PARD3B: variants seen among roughly 807,000 people sequenced by gnomAD.
The protein encoded by PARD3B is partitioning defective 3 homolog B.
A neutral mutation model predicts 130.2 loss-of-function variants in PARD3B; 103 were observed. The ratio of observed to expected loss-of-function variants is 0.79; its 90% CI spans 0.67 to 0.93. The LOEUF is 0.93. PARD3B is among the 40% of genes least tolerant of loss of function. PARD3B has a pLI of 0.00. For synonymous variants in PARD3B, 583 were observed against 553.2 expected (o/e 1.05, Z -0.76); for missense variants, 1,609 against 1,499.2 (o/e 1.07, Z -1.21).
intron 18 of PARD3B, among the ~76,000 whole-genome samples, chr2:205,380,064 C>A (rs1174759177): frequency 2.0e-4 from 25 of 123,442 alleles, no homozygotes; most frequent in African/African-American, 7.1e-4. Flanking sequence ...TGAGACTCTG[C>A]CTCAAAAAAA....
At chr2:205,582,756 C>G (rs1341605296) in intron 22 of PARD3B, among the ~76,000 whole-genome samples, 2 of 151,354 alleles carry the variant, frequency 1.3e-5, no homozygotes, top group Non-Finnish European at 2.9e-5. Context: ...GGCATTGCCT[C>G]CGATAAAAGT....
chr2:205,498,748 T>A (rs2050040119), intron 20 of PARD3B, among the ~76,000 whole-genome samples: 1 of 152,214 alleles, frequency 6.6e-6, no homozygotes, highest in Admixed American at 6.5e-5. Context: ...CTCACTTGTC[T>A]AGCTGTTGAG....
chr2:204,970,346 C>G (rs1691599389), intron 3 of PARD3B, among the ~76,000 whole-genome samples: 1 of 152,112 alleles, frequency 6.6e-6, no homozygotes, highest in Non-Finnish European at 1.5e-5. Context: ...CCAACTTTTT[C>G]CAAACAAAAA....
intron 4 of PARD3B, among the ~76,000 whole-genome samples, chr2:205,049,539 T>C (rs73054994): frequency 6.6e-6 from 1 of 152,126 alleles, no homozygotes; most frequent in African/African-American, 2.4e-5. Flanking sequence ...CTTAACCATA[T>C]CGGTCCTCCA....
At chr2:205,369,294 A>G (rs761451322) in intron 18 of PARD3B, among the ~76,000 whole-genome samples, 1 of 152,164 alleles carries the variant, frequency 6.6e-6, no homozygotes, top group Admixed American at 6.5e-5. Context: ...TCCAGCGTCT[A>G]GTCACCACCC....
At chr2:205,340,458 G>A (rs991515099) in intron 18 of PARD3B, among the ~76,000 whole-genome samples, 4 of 152,016 alleles carry the variant, frequency 2.6e-5, no homozygotes, top group African/African-American at 7.2e-5. Context: ...TATATTTACA[G>A]CCAACTGATT....
chr2:204,737,075 TAGCTGGAATTACAGCTATGGAATTAC>T (rs1231679179), intron 2 of PARD3B, among the ~76,000 whole-genome samples: 55 of 152,308 alleles, frequency 3.6e-4, no homozygotes, highest in African/African-American at 1.2e-4. Context: ...GCCTCCCTAG[TAGCTGGAATTACAGCTATGGAATTAC>T]AGCTGGAATT....
intron 3 of PARD3B, among the ~76,000 whole-genome samples, chr2:205,028,372 T>G (rs2125353375): frequency 6.6e-6 from 1 of 152,292 alleles, no homozygotes; most frequent in East Asian, 1.9e-4. Flanking sequence ...TAAAAACTCT[T>G]AATAGATTAT....
intron 10 of PARD3B, among the ~76,000 whole-genome samples, chr2:205,154,986 A>G (rs1488096050): frequency 6.6e-6 from 1 of 152,132 alleles, no homozygotes; most frequent in African/African-American, 2.4e-5. Context: ...TGGCACATGT[A>G]TACATATGTA....
intron 15 of PARD3B, among the ~76,000 whole-genome samples, chr2:205,239,293 T>C (rs371740415): frequency 6.6e-6 from 1 of 152,130 alleles, no homozygotes; most frequent in Admixed American, 6.5e-5. Context: ...CCCAGATCAA[T>C]TGATGCAAAT....
At position 205,290,421 on chromosome 2, in the gene PARD3B, GTAGCCTT is replaced by G. The variant is rs532744829; in HGVS notation, c.2186-10108_2186-10102del. Among the ~76,000 whole-genome samples the G allele has an allele frequency of 1.2e-3, 184 of 152,302 alleles. 2 individuals carry two copies. Among genetic ancestry groups the G allele is most frequent in the African/African-American group, 4.2e-3 (174 of 41,574 alleles). On this transcript the variant is annotated intron_variant, in intron 16 of 22. Coordinates refer to ENST00000406610, the MANE Select transcript of PARD3B (RefSeq NM_001302769.2). Reference sequence around the variant, plus strand: ...CAGGAAAGCCTCATATAGCATCTGAGTAGCCTTGCCAAGTCAATAGGATGACATTTCC... The same window carrying G: ...CAGGAAAGCCTCATATAGCATCTGAGGCCAAGTCAATAGGATGACATTTCC...
At chr2:204,963,368 G>A (rs555119908) in intron 2 of PARD3B, among the ~76,000 whole-genome samples, 38 of 152,010 alleles carry the variant, frequency 2.5e-4, no homozygotes, top group Non-Finnish European at 4.1e-4. Flanking sequence ...ATTTTTTCTC[G>A]TTTTTCCAGT....
At chr2:205,335,061 G>T (rs1348652049) in intron 18 of PARD3B, among the ~76,000 whole-genome samples, 3 of 152,158 alleles carry the variant, frequency 2.0e-5, no homozygotes, top group African/African-American at 7.2e-5. Context: ...TAAGGAACAA[G>T]CCTATAGTTT....
chr2:204,886,153 C>G lies in PARD3B; in HGVS notation c.223-78999C>G, dbSNP rs116077954. ...GCATTTTTCAAGCTGAGTCAACTAT[C>G]AAAGAAGAAAAGACTCGGTCATCTA... On this transcript the variant is annotated intron_variant, in intron 2 of 22. Coordinates refer to ENST00000406610, the MANE Select transcript of PARD3B (RefSeq NM_001302769.2). Among the ~76,000 whole-genome samples the G allele has an allele frequency of 7.6e-3, 1,154 of 152,312 alleles. 13 individuals are homozygous for G. Among genetic ancestry groups the G allele is most frequent in the African/African-American group, 0.024 (1,013 of 41,576 alleles).
At position 205,440,373 on chromosome 2, in the gene PARD3B, T is replaced by C. The variant is rs2047669480; in HGVS notation, c.2745T>C (p.Ile915=). Residue 915 remains isoleucine, a synonymous_variant, in exon 20 of 23, where the codon ATT becomes ATC. Transcript: ENST00000406610. The surrounding 1 kb of genome is among the most constrained non-coding windows in gnomAD (Gnocchi z 4.2). ...CTACCTGTACTGTATTTTTCAGGAT[T>C]GGAGCAAAACATCAGGAGCTAAGGG... is the stretch of plus-strand genomic sequence containing the variant. ...LEKMKEERER[I]GAKHQELREK... 6.2e-7 allele frequency: 1 copy of C among 1,613,500 alleles called. No individual in the cohort carries two copies. Among genetic ancestry groups the C allele is most frequent in the Admixed American group, 1.7e-5 (1 of 59,978 alleles).
chr2:204,972,112 C>T (rs765368069), intron 3 of PARD3B, among the ~76,000 whole-genome samples: 2 of 151,918 alleles, frequency 1.3e-5, no homozygotes, highest in Non-Finnish European at 2.9e-5. Context: ...AGACAAGTAG[C>T]CCCTAAAAAA....
At position 205,158,019 on chromosome 2, in the gene PARD3B, A is replaced by C. The variant is rs2034285309; in HGVS notation, c.1435-703A>C. 6.6e-6 allele frequency among the ~76,000 whole-genome samples: 1 copy of C among 152,202 alleles called. No homozygotes were observed. Among genetic ancestry groups the C allele is most frequent in the Non-Finnish European group, 1.5e-5 (1 of 68,034 alleles). On this transcript the variant is annotated intron_variant, in intron 10 of 22. Coordinates refer to ENST00000406610, the MANE Select transcript of PARD3B (RefSeq NM_001302769.2). This position sits in a 1 kb window ranked among gnomAD's most constrained non-coding sequence, Gnocchi z 5.4. Reference sequence around the variant, plus strand: ...CTAGGTGTCATTTATCAAATATGACATGAATGTTTGTTGTGCATAATCATT... The same window carrying C: ...CTAGGTGTCATTTATCAAATATGACCTGAATGTTTGTTGTGCATAATCATT...
chr2:205,040,753 A>C (rs1481790549), intron 3 of PARD3B, among the ~76,000 whole-genome samples: 2 of 152,160 alleles, frequency 1.3e-5, no homozygotes, highest in Non-Finnish European at 2.9e-5. Context: ...AATTCAGAGC[A>C]TTTTCTTCTG....
Position 204,545,946 on chromosome 2 carries a change from C to T in PARD3B, c.-54C>T. On this transcript the variant is annotated 5_prime_UTR_variant, in exon 1 of 23. Transcript: ENST00000406610. ...CGTCCTCCGAGAGTGGGGGCTGCGC[C>T]CGCGGGGTCAGACACCTGTTCGGCC... 10 of 1,476,044 alleles carry T rather than the reference C, an allele frequency of 6.8e-6. No individual in the cohort carries two copies. The highest frequency in any genetic ancestry group is 9.0e-6 in the Non-Finnish European group (10 of 1,115,038). 91.4% of individuals were successfully genotyped at this position (1,476,044 alleles called of 1,614,324 possible).
Sources: gnomAD v4.1 joint callset for allele counts (sites outside exome capture counted in the v4.1 genomes callset) on GRCh38, gnomAD v4.1.1 for gene constraint, Gnocchi (gnomAD v3.1) non-coding constraint, MANE v1.5 for transcripts, NCBI Gene and HGNC (gene_info 2026-07-23, HGNC 2026-07-21) for gene names.